The following ACE variants were observed in gnomAD, a reference collection of about 807,000 sequenced individuals.
ACE encodes the protein angiotensin I converting enzyme, also known as angiotensin-converting enzyme.
Under a neutral mutation model 162.3 loss-of-function variants are expected in ACE, and 122 were observed. The ratio of observed to expected loss-of-function variants is 0.75; its 90% CI spans 0.65 to 0.87. The LOEUF (loss-of-function observed/expected upper bound fraction) is 0.87. ACE is among the 40% of genes least tolerant of loss of function. The probability of loss-of-function intolerance (pLI) is 0.00; values close to 1 mark genes in which losing one functional copy is unlikely to be tolerated. For synonymous variants in ACE, 796 were observed against 720.6 expected, an observed-to-expected ratio of 1.10 and a Z score of -1.68; for missense variants, 1,799 against 1,735.1, an observed-to-expected ratio of 1.04 and a Z score of -0.65.
Position 63,482,453 on chromosome 17 carries a change from C to T in ACE, c.1119-13C>T. ...CATCCGTCACTCTCACCCTCGCCCT[C>T]TCTACGCCCCAGGATCAAGCAGTGC... On this transcript the variant is annotated splice_polypyrimidine_tract_variant and intron_variant, in intron 7 of 24. Transcript: ENST00000290866. 6.2e-7 allele frequency: 1 copy of T among 1,613,358 alleles called. No homozygotes were observed. Among genetic ancestry groups the T allele is most frequent in the Non-Finnish European group, 8.5e-7 (1 of 1,179,586 alleles).
In ACE at chr17:63,496,755, C is replaced by T. The variant is rs1484894818; in HGVS notation, c.3504-43C>T. On this transcript the variant is annotated intron_variant, in intron 23 of 24. Transcript: ENST00000290866. ...GGATGTCAGGTGGGGGCAAGAGGGG[C>T]CATGTCCTTCTGACTCTGCCTCCCT... 3.1e-6 allele frequency: 5 copies of T among 1,606,714 alleles called. No homozygotes were observed. The Admixed American group carries it at 6.7e-5, about 21-fold the overall frequency.
chr17:63,482,717 C>A, intron 8 of ACE, 28 bp downstream of exon 8: 1 of 1,606,132 alleles, frequency 6.2e-7, no homozygotes, highest in Non-Finnish European at 8.5e-7. Flanking sequence ...GGCCCCCACC[C>A]AGCCTCACCT....
At chr17:63,482,102 GC>G (rs1429849921) in intron 7 of ACE, among the ~76,000 whole-genome samples, 10 of 152,186 alleles carry the variant, frequency 6.6e-5, no homozygotes, top group African/African-American at 2.4e-4. Context: ...TTCGAGACCA[GC>G]CTGGCCAACA....
chr17:63,493,061 A>G (rs4353), intron 19 of ACE, among the ~76,000 whole-genome samples: 69,830 of 151,998 alleles, frequency 0.46, 16,299 homozygotes, highest in South Asian at 0.61. Context: ...GGGAGCCTCC[A>G]TCTTGGGAGA....
In ACE at chr17:63,478,944, C is replaced by T. The variant is rs578110299; in HGVS notation, c.418-63C>T. On this transcript the variant is annotated intron_variant, in intron 2 of 24. Coordinates refer to ENST00000290866, the MANE Select transcript of ACE (RefSeq NM_000789.4). ...CTCTGTGGGCTCCTCCTTCTAGCAGCGAGGGGAGGGCAGATGTCCCAGGGG... is the reference window on the plus strand; with the variant it reads ...CTCTGTGGGCTCCTCCTTCTAGCAGTGAGGGGAGGGCAGATGTCCCAGGGG... 6.4e-6 allele frequency: 9 copies of T among 1,401,528 alleles called. No individual in the cohort carries two copies. In the East Asian group the frequency reaches 7.2e-5, roughly 11 times the overall value. The allele number at this position is 1,401,528 out of a possible 1,614,324, so 86.8% of individuals were successfully genotyped here.
At chr17:63,493,702 A>T (rs370464514) in intron 20 of ACE, 43 bp downstream of exon 20, 5 of 1,602,984 alleles carry the variant, frequency 3.1e-6, no homozygotes, top group Non-Finnish European at 4.3e-6. Context: ...AGGACCAAGA[A>T]AGGGTGGTGA....
At position 63,491,852 on chromosome 17, in the gene ACE, C is replaced by G. The variant is rs967734581; in HGVS notation, c.2912+471C>G. On this transcript the variant is annotated intron_variant, in intron 19 of 24. Transcript: ENST00000290866. The surrounding 1 kb of genome is among the most constrained non-coding windows in gnomAD (Gnocchi z 4.4). ...TGCTGTGCAACCAAGCACCCCAGAG[C>G]TTAGCCTTACGAAACAACCAGTTGA... 6.6e-6 allele frequency among the ~76,000 whole-genome samples: 1 copy of G among 152,240 alleles called. No individual in the cohort carries two copies. The highest frequency in any genetic ancestry group is 2.4e-5 in the African/African-American group (1 of 41,460).
chr17:63,479,853 C>T lies in ACE; in HGVS notation c.596C>T (p.Pro199Leu), dbSNP rs553520266. 3.5e-5 allele frequency: 57 copies of T among 1,612,970 alleles called. No homozygotes were observed. The highest frequency in any genetic ancestry group is 1.6e-4 in the Middle Eastern group (1 of 6,062). Reference sequence around the variant, plus strand: ...GGCTGGCACAACGCTGCGGGCATCCCGCTGAAACCGCTGTACGAGGATTTC... The same window carrying T: ...GGCTGGCACAACGCTGCGGGCATCCTGCTGAAACCGCTGTACGAGGATTTC... Reference protein sequence around the residue: ...WEGWHNAAGIPLKPLYEDFTA... With the variant: ...WEGWHNAAGILLKPLYEDFTA... Residue 199 changes from proline to leucine, a missense_variant, in exon 4 of 25, where the codon CCG becomes CTG. Pro to Leu is a moderately conservative substitution (Grantham distance 98). Transcript: ENST00000290866.
chr17:63,482,300 C>CA (rs59148455), intron 7 of ACE, among the ~76,000 whole-genome samples, 166 bp from the exon 8 acceptor site: 10,863 of 140,834 alleles, frequency 0.077, 445 homozygotes, highest in African/African-American at 0.11. Flanking sequence ...GACGCTGTCT[C>CA]AAAAAAAAAA....
Position 63,477,201 on chromosome 17 carries a change from C to T in ACE, c.107C>T (p.Pro36Leu), listed in dbSNP as rs769008922. The change falls in exon 1 of 25, where the codon CCC becomes CTC. Residue 36 changes from proline to leucine, a missense_variant. Pro to Leu is a moderately conservative substitution (Grantham distance 98, BLOSUM62 -3). Coordinates refer to ENST00000290866, the MANE Select transcript of ACE (RefSeq NM_000789.4). ...PALALDPGLQ[P>L]GNFSADEAGA... Reference sequence around the variant, plus strand: ...CTGGCGTTGGACCCCGGGCTGCAGCCCGGCAACTTTTCTGCTGACGAGGCC... The same window carrying T: ...CTGGCGTTGGACCCCGGGCTGCAGCTCGGCAACTTTTCTGCTGACGAGGCC... 3.4e-6 allele frequency: 5 copies of T among 1,488,064 alleles called. No individual in the cohort carries two copies. The South Asian group carries it at 3.8e-5, about 11-fold the overall frequency. 92.2% of individuals were successfully genotyped at this position (1,488,064 alleles called of 1,614,324 possible).
At chr17:63,494,530 A>C (rs1387842108) in intron 22 of ACE, 60 bp downstream of exon 22, 1 of 1,428,642 alleles carries the variant, frequency 7.0e-7, no homozygotes, top group South Asian at 1.2e-5. Context: ...TTGTGTTTCA[A>C]CTGCGGCCAC....
In ACE at chr17:63,481,692, G is replaced by A. The variant is rs764651696; in HGVS notation, c.1072G>A (p.Val358Met). 6 of 1,614,180 alleles carry A rather than the reference G, an allele frequency of 3.7e-6. No individual in the cohort carries two copies. The South Asian group carries it at 6.6e-5, about 18-fold the overall frequency. Reference protein sequence around the residue: ...LEKPADGREVVCHASAWDFYN... With the variant: ...LEKPADGREVMCHASAWDFYN... ...GAAGCCGGCCGACGGGCGGGAAGTG[G>A]TGTGCCACGCCTCGGCTTGGGACTT... The change falls in exon 7 of 25, where the codon GTG becomes ATG. Residue 358 changes from valine to methionine, a missense_variant. Val to Met is a conservative substitution (Grantham distance 21, BLOSUM62 1). Transcript: ENST00000290866.
intron 2 of ACE, chr17:63,478,678 A>T: frequency 2.4e-6 from 1 of 413,502 alleles, no homozygotes; most frequent in Non-Finnish European, 4.6e-6. Flanking sequence ...AAAGAGAGAG[A>T]GAAAAGGTTG....
intron 22 of ACE, among the ~76,000 whole-genome samples, chr17:63,495,215 A>G (rs905505030): frequency 1.3e-5 from 2 of 152,096 alleles, no homozygotes; most frequent in African/African-American, 4.8e-5. Context: ...AGTGTGCCCA[A>G]TGCAGCCCCT....
At position 63,491,123 on chromosome 17, in the gene ACE, A is replaced by G. The variant is rs1253788086; in HGVS notation, c.2739+72A>G. The G allele has an allele frequency of 1.5e-5, 24 of 1,610,432 alleles. No homozygotes were observed. Among genetic ancestry groups the G allele is most frequent in the Non-Finnish European group, 1.9e-5 (22 of 1,177,682 alleles). On this transcript the variant is annotated intron_variant, in intron 18 of 24. Transcript: ENST00000290866. The surrounding 1 kb of genome is among the most constrained non-coding windows in gnomAD (Gnocchi z 4.4). The stretch of plus-strand genomic sequence containing the variant: ...ACCCTCTGATTCAGGAGTTCCCTCC[A>G]GTTTAGCCCTCCCCCGGGATCCCCA...
In ACE at chr17:63,497,001, C is replaced by T. The variant is rs1599158541; in HGVS notation, c.3691+16C>T. On this transcript the variant is annotated intron_variant, in intron 24 of 24. Coordinates refer to ENST00000290866, the MANE Select transcript of ACE (RefSeq NM_000789.4). ...CCGAACTCCGGTACCGCCACCCACC[C>T]CACCTCCAGCCTTGGGTCTTAACCC... 6 of 1,602,030 alleles carry T rather than the reference C, an allele frequency of 3.7e-6. No homozygotes were observed. The highest frequency in any genetic ancestry group is 1.1e-5 in the South Asian group (1 of 89,720).
Position 63,483,567 on chromosome 17 carries a change from G to GCGGGGGGGGGGGGCCCCCCCCCCCCCCCC in ACE, c.1586+10_1586+11insGGGGGGGGGGGGCCCCCCCCCCCCCCCCC. ...GTGACACCATACATCAGGTATTAGC[G>GCGGGGGGGGGGGGCCCCCCCCCCCCCCCC]CCCCCACCCCACCCACCCCCAGTAC... On this transcript the variant is annotated intron_variant, in intron 10 of 24. Coordinates refer to ENST00000290866, the MANE Select transcript of ACE (RefSeq NM_000789.4). The GCGGGGGGGGGGGGCCCCCCCCCCCCCCCC allele has an allele frequency of 1.3e-6, 2 of 1,589,494 alleles. No homozygotes were observed. Among genetic ancestry groups the GCGGGGGGGGGGGGCCCCCCCCCCCCCCCC allele is most frequent in the Non-Finnish European group, 1.7e-6 (2 of 1,165,636 alleles).
chr17:63,493,448 C>T lies in ACE; in HGVS notation c.2925C>T (p.Cys975=), dbSNP rs761107328. ...CCACTATTCCTAGGATCAAGCAGTG[C>T]ACCACCGTGAACTTGGAGGACCTGG... ...YNGKDFRIKQ[C]TTVNLEDLVV... Residue 975 remains cysteine, a synonymous_variant, in exon 20 of 25, where the codon TGC becomes TGT. Coordinates refer to ENST00000290866, the MANE Select transcript of ACE (RefSeq NM_000789.4). 8.1e-6 allele frequency: 13 copies of T among 1,614,096 alleles called. No homozygotes were observed. The highest frequency in any genetic ancestry group is 2.2e-5 in the East Asian group (1 of 44,882).
rs139253966 is a variant in ACE, at chr17:63,486,063, G to A, written c.2059-494G>A. Among the ~76,000 whole-genome samples, 76 of 152,296 alleles carry A rather than the reference G, an allele frequency of 5.0e-4. 2 individuals are homozygous for A. In the East Asian group the frequency reaches 0.012, roughly 24 times the overall value. On this transcript the variant is annotated intron_variant, in intron 13 of 24. Transcript: ENST00000290866. ...CTCTGTTTGTCTCCTCTACAAAAGG[G>A]GCTACACTTCCTCTTTACCCTCATT...
Sources: allele counts gnomAD v4.1 joint callset (sites outside exome capture counted in the v4.1 genomes callset), GRCh38; gene constraint gnomAD v4.1.1; non-coding constraint Gnocchi (gnomAD v3.1); transcripts MANE v1.5; gene names NCBI Gene and HGNC (gene_info 2026-07-23, HGNC 2026-07-21).